RANBP2: variants seen among roughly 807,000 people sequenced by gnomAD.
The protein encoded by RANBP2 is RAN binding protein 2.
Under a neutral mutation model 303.6 loss-of-function variants are expected in RANBP2, and 57 were observed. That is an observed-to-expected ratio of 0.19 (90% CI 0.15 to 0.23). RANBP2 has a LOEUF of 0.23. RANBP2 is among the 10% of genes least tolerant of loss of function. The pLI is 1.00. For missense variants in RANBP2, 3,138 were observed against 3,780.8 expected, an observed-to-expected ratio of 0.83 and a Z score of 4.46; for synonymous variants, 1,167 against 1,301.5, an observed-to-expected ratio of 0.90 and a Z score of 2.23.
At chr2:108,892,657 A>G in the RANBP2 span, among the ~76,000 whole-genome samples, 2 of 152,174 alleles carry the variant, frequency 1.3e-5, no homozygotes, top group African/African-American at 4.8e-5. Context: ...TGTTAGCTTC[A>G]GTGGTTGGGA....
the RANBP2 span, among the ~76,000 whole-genome samples, chr2:109,413,506 A>G: frequency 2.0e-5 from 3 of 151,314 alleles, no homozygotes; most frequent in South Asian, 2.1e-4. Context: ...GTCTCTTTCT[A>G]TCTCTGTCTG....
At chr2:109,341,744 A>G in the RANBP2 span, among the ~76,000 whole-genome samples, 12 of 152,176 alleles carry the variant, frequency 7.9e-5, no homozygotes, top group African/African-American at 2.4e-4. Context: ...GCCCGTGGGA[A>G]GGCAGATTTC....
the RANBP2 span, among the ~76,000 whole-genome samples, chr2:109,485,150 C>T: frequency 6.6e-6 from 1 of 152,204 alleles, no homozygotes; most frequent in Non-Finnish European, 1.5e-5. Flanking sequence ...CCTGACCCAG[C>T]GTTTGGTGTG....
chr2:109,199,654 G>C, the RANBP2 span, among the ~76,000 whole-genome samples: 1 of 6 alleles, frequency 0.17, no homozygotes, highest in Non-Finnish European at 0.25. Context: ...GAATGGAATG[G>C]AATGGAATGG....
At chr2:109,189,303 C>T in the RANBP2 span, among the ~76,000 whole-genome samples, 1 of 151,786 alleles carries the variant, frequency 6.6e-6, no homozygotes, top group Admixed American at 6.6e-5. Context: ...TGTCAGGCTC[C>T]ACCTGACACC....
chr2:109,729,611 C>T, the RANBP2 span, among the ~76,000 whole-genome samples: 1 of 152,102 alleles, frequency 6.6e-6, no homozygotes, highest in African/African-American at 2.4e-5. Flanking sequence ...AATCACGCCA[C>T]TACACTTCAT....
the RANBP2 span, among the ~76,000 whole-genome samples, chr2:109,265,795 G>A: frequency 6.6e-6 from 1 of 152,220 alleles, no homozygotes; most frequent in African/African-American, 2.4e-5. Flanking sequence ...CTTTTAATAT[G>A]CAGGGTTGCA....
chr2:108,751,759 T>G (rs1675902577), intron 11 of RANBP2, 56 bp downstream of exon 11: 34 of 1,611,904 alleles, frequency 2.1e-5, no homozygotes, highest in Middle Eastern at 2.3e-4. Flanking sequence ...TTACCGGGGA[T>G]TTAATCCTCA....
chr2:109,266,098 ATG>A, the RANBP2 span, among the ~76,000 whole-genome samples: 6 of 139,894 alleles, frequency 4.3e-5, no homozygotes, highest in Non-Finnish European at 4.7e-5. Flanking sequence ...TTGTGCGTGC[ATG>A]TGTGTGTTGT....
At chr2:109,222,656 C>G in the RANBP2 span, among the ~76,000 whole-genome samples, 1 of 152,196 alleles carries the variant, frequency 6.6e-6, no homozygotes, top group Non-Finnish European at 1.5e-5. Flanking sequence ...CTATGCTGGC[C>G]CTGTGGAGCC....
the RANBP2 span, among the ~76,000 whole-genome samples, chr2:108,829,614 T>G: frequency 1.6e-4 from 25 of 152,286 alleles, no homozygotes; most frequent in African/African-American, 5.3e-4. Flanking sequence ...AGTGTGGTGA[T>G]GCACACCTGT....
the RANBP2 span, among the ~76,000 whole-genome samples, chr2:109,549,741 T>G: frequency 1.3e-5 from 2 of 152,170 alleles, no homozygotes; most frequent in African/African-American, 4.8e-5. Context: ...TGTTTTTTCC[T>G]ATATATAGAC....
the RANBP2 span, among the ~76,000 whole-genome samples, chr2:108,997,459 A>AAAAAAAAAAAAAAAAAG: frequency 2.2e-4 from 29 of 131,450 alleles, no homozygotes; most frequent in East Asian, 1.9e-3. Flanking sequence ...AAAAAAAAAA[A>AAAAAAAAAAAAAAAAAG]AAAAGATGAT....
the RANBP2 span, among the ~76,000 whole-genome samples, chr2:109,221,703 AT>A: frequency 6.6e-6 from 1 of 152,030 alleles, no homozygotes; most frequent in Non-Finnish European, 1.5e-5. Flanking sequence ...TCCTTCCCCA[AT>A]TTTTAATGGG....
At chr2:109,247,338 C>T in the RANBP2 span, among the ~76,000 whole-genome samples, 3 of 152,182 alleles carry the variant, frequency 2.0e-5, no homozygotes, top group African/African-American at 7.2e-5. Context: ...TGCAGCCCCT[C>T]CCTGAACTTC....
chr2:108,890,554 C>T, the RANBP2 span, among the ~76,000 whole-genome samples: 1 of 152,056 alleles, frequency 6.6e-6, no homozygotes, highest in East Asian at 1.9e-4. Context: ...CAGGGGTTTT[C>T]TTGATAGGTA....
At chr2:108,877,458 T>C in the RANBP2 span, among the ~76,000 whole-genome samples, 1 of 151,878 alleles carries the variant, frequency 6.6e-6, no homozygotes, top group Non-Finnish European at 1.5e-5. Flanking sequence ...AAAGTGAGAT[T>C]CTGTCTCAAA....
At chr2:108,730,942 A>G in intron 3 of RANBP2, 57 bp downstream of exon 3, 2 of 1,578,408 alleles carry the variant, frequency 1.3e-6, no homozygotes, top group Non-Finnish European at 1.7e-6. Flanking sequence ...ATGCCCAGAG[A>G]AATTTATATA....
the RANBP2 span, among the ~76,000 whole-genome samples, chr2:108,972,050 C>T: frequency 2.0e-5 from 3 of 152,292 alleles, no homozygotes; most frequent in East Asian, 3.9e-4. Flanking sequence ...TGGCCTGGCC[C>T]GCAGATGTTG....
Sources: allele counts gnomAD v4.1 joint callset (sites outside exome capture counted in the v4.1 genomes callset), GRCh38; gene constraint gnomAD v4.1.1; transcripts MANE v1.5; gene names NCBI Gene and HGNC (gene_info 2026-07-23, HGNC 2026-07-21).